Variants in SVOPL observed in about 807,000 individuals in gnomAD.
SVOPL encodes the protein putative transporter SVOPL.
A neutral mutation model predicts 61.0 loss-of-function variants in SVOPL; 60 were observed. That is an observed-to-expected ratio of 0.98 (90% CI 0.80 to 1.22). The LOEUF is 1.22. Among genes scored for constraint, SVOPL ranks in the 50% most tolerant of loss-of-function variants. The pLI is 0.00. For synonymous variants in SVOPL, 279 were observed against 250.0 expected (o/e 1.12, Z -1.09); for missense variants, 662 against 643.9 (o/e 1.03, Z -0.30).
intron 1 of SVOPL, among the ~76,000 whole-genome samples, chr7:138,698,277 G>A (rs893334289): frequency 2.0e-5 from 3 of 152,104 alleles, no homozygotes; most frequent in Non-Finnish European, 1.5e-5. Context: ...TCTACCTGCC[G>A]GTGGGAGAAA....
At chr7:138,657,023 C>T (rs901621008) in intron 6 of SVOPL, among the ~76,000 whole-genome samples, 6 of 149,110 alleles carry the variant, frequency 4.0e-5, no homozygotes, top group Non-Finnish European at 7.4e-5. Flanking sequence ...GCAACAAGAG[C>T]GAAACTCCAT....
intron 3 of SVOPL, among the ~76,000 whole-genome samples, chr7:138,676,459 C>A (rs979803707): frequency 7.9e-5 from 12 of 152,106 alleles, no homozygotes; most frequent in Admixed American, 7.2e-4. Context: ...CCACTGCGCT[C>A]ACAGGGTGGA....
intron 9 of SVOPL, among the ~76,000 whole-genome samples, chr7:138,643,890 C>T (rs1252549878): frequency 1.3e-5 from 2 of 152,004 alleles, no homozygotes; most frequent in Non-Finnish European, 2.9e-5. Context: ...CATTTAAAAA[C>T]TGTTAAGATA....
chr7:138,632,793 C>A (rs1380061114), intron 9 of SVOPL, among the ~76,000 whole-genome samples: 1 of 152,086 alleles, frequency 6.6e-6, no homozygotes, highest in Non-Finnish European at 1.5e-5. Flanking sequence ...CTCAGTGCTC[C>A]TCAGTCCTGG....
At chr7:138,646,517 TTGG>T (rs1801121047) in intron 8 of SVOPL, 1 of 147,774 alleles carries the variant, frequency 6.8e-6, no homozygotes, top group African/African-American at 2.7e-5. Context: ...TTTGTTGTTG[TTGG>T]TTTTTTGTTT....
intron 9 of SVOPL, among the ~76,000 whole-genome samples, chr7:138,633,662 T>C (rs1439620601): frequency 1.3e-5 from 2 of 152,038 alleles, no homozygotes; most frequent in Non-Finnish European, 2.9e-5. Context: ...CCAGTTATAA[T>C]AGGTTTTGAG....
chr7:138,694,762 A>G (rs1803030592), intron 1 of SVOPL, among the ~76,000 whole-genome samples: 1 of 152,024 alleles, frequency 6.6e-6, no homozygotes, highest in Non-Finnish European at 1.5e-5. Flanking sequence ...GTTTGTTTTG[A>G]GACAGAGTTT....
chr7:138,629,757 G>A (rs1800087249), intron 10 of SVOPL, among the ~76,000 whole-genome samples: 1 of 152,196 alleles, frequency 6.6e-6, no homozygotes, highest in Non-Finnish European at 1.5e-5. Context: ...TTTCTGTCAT[G>A]TGGTGAGAAA....
intron 12 of SVOPL, 96 bp from the exon 13 acceptor site, chr7:138,626,146 A>C: frequency 8.3e-7 from 1 of 1,201,632 alleles, no homozygotes; most frequent in Non-Finnish European, 1.2e-6. Context: ...CTGAGATACA[A>C]TCACAGATAA....
At chr7:138,661,361 AAT>A in intron 5 of SVOPL, 1 of 985,418 alleles carries the variant, frequency 1.0e-6, no homozygotes, top group Non-Finnish European at 1.2e-6. Flanking sequence ...TCCACACTCT[AAT>A]ATGTTTTAAC....
rs370381729 is a variant in SVOPL, at chr7:138,644,807, C to A, written c.699G>T (p.Gly233=). The part of the protein sequence containing the change: ...PESARFNVST[G]NTRAALATLE... The stretch of plus-strand genomic sequence containing the variant: ...GAGTGGCCAGGGCAGCCCGAGTGTT[C>A]CCAGTGGAGACATTGAACCGGGCAG... The change falls in exon 9 of 16, where the codon GGG becomes GGT. Residue 233 remains glycine (G), a synonymous_variant. Coordinates refer to ENST00000674285, the MANE Select transcript of SVOPL (RefSeq NM_001139456.2). The A allele has an allele frequency of 1.9e-6, 3 of 1,614,156 alleles. No individual in the cohort carries two copies. The highest frequency in any genetic ancestry group is 2.5e-6 in the Non-Finnish European group (3 of 1,180,022).
chr7:138,668,383 G>C (rs1802328754), intron 4 of SVOPL, among the ~76,000 whole-genome samples: 1 of 152,154 alleles, frequency 6.6e-6, no homozygotes, highest in Non-Finnish European at 1.5e-5. Context: ...TGAGAAATCA[G>C]CTCTGTCTAG....
chr7:138,596,853 CA>C (rs1401907844), intron 14 of SVOPL: 1 of 1,101,076 alleles, frequency 9.1e-7, no homozygotes, highest in African/African-American at 1.6e-5. Context: ...CCCCCTTTCT[CA>C]TACCATTTCA....
At chr7:138,613,367 TA>T (rs1304804781) in intron 14 of SVOPL, among the ~76,000 whole-genome samples, 2 of 152,136 alleles carry the variant, frequency 1.3e-5, no homozygotes. Context: ...CTCACCTGCT[TA>T]AAACCCTTAA....
At chr7:138,621,962 G>GTATCTATC (rs1327248515) in intron 13 of SVOPL, among the ~76,000 whole-genome samples, 2 of 2,116 alleles carry the variant, frequency 9.5e-4, no homozygotes, top group Non-Finnish European at 1.5e-3. Flanking sequence ...ATCTATCTAT[G>GTATCTATC]TATCTATCTA....
chr7:138,596,268 G>A (rs144054022), intron 15 of SVOPL, 149 bp downstream of exon 15: 2 of 581,618 alleles, frequency 3.4e-6, no homozygotes, highest in African/African-American at 3.8e-5. Context: ...GAAAAACAAA[G>A]TCCTTGTTAT....
intron 14 of SVOPL, among the ~76,000 whole-genome samples, chr7:138,609,720 G>GC (rs149495062): frequency 1.1e-3 from 118 of 110,406 alleles, no homozygotes; most frequent in Non-Finnish European, 1.8e-3. Context: ...TTTTTTTTTT[G>GC]GGGGGGGTGG....
At chr7:138,626,166 C>T (rs919501259) in intron 12 of SVOPL, 116 bp from the exon 13 acceptor site, 19 of 990,206 alleles carry the variant, frequency 1.9e-5, no homozygotes, top group Middle Eastern at 5.4e-4. Flanking sequence ...ACTCAGAACC[C>T]GAGGGAGGTG....
intron 4 of SVOPL, among the ~76,000 whole-genome samples, chr7:138,671,534 G>C (rs2117108584): frequency 6.6e-6 from 1 of 152,260 alleles, no homozygotes; most frequent in Non-Finnish European, 1.5e-5. Flanking sequence ...TTTTAGTAGA[G>C]ACGGGGTTTC....
Sources: gnomAD v4.1 joint callset for allele counts (sites outside exome capture counted in the v4.1 genomes callset) on GRCh38, gnomAD v4.1.1 for gene constraint, MANE v1.5 for transcripts, NCBI Gene and HGNC (gene_info 2026-07-23, HGNC 2026-07-21) for gene names.